Variants in SLC28A1 observed in about 807,000 individuals in gnomAD.
SLC28A1 encodes the protein solute carrier family 28 member 1.
In SLC28A1, 64 loss-of-function variants were observed where a neutral mutation model predicts 74.8. The ratio of observed to expected loss-of-function variants is 0.86; its 90% confidence interval spans 0.70 to 1.05. The LOEUF (loss-of-function observed/expected upper bound fraction) is 1.05. Among genes scored for constraint, SLC28A1 ranks in the 50% least tolerant of loss-of-function variants. SLC28A1 has a pLI of 0.00. For missense variants in SLC28A1, 828 were observed against 822.8 expected (o/e 1.01, Z -0.08); for synonymous variants, 359 against 335.0 (o/e 1.07, Z -0.78).
intron 12 of SLC28A1, among the ~76,000 whole-genome samples, chr15:84,925,976 C>G (rs1429918491): frequency 6.6e-6 from 1 of 151,070 alleles, no homozygotes; most frequent in African/African-American, 2.4e-5. Flanking sequence ...GTTTAATTTA[C>G]TGTAACCTTT....
At chr15:84,928,252 GAAAGCCCCAGACTACAACTAT>G (rs1200666222) in intron 12 of SLC28A1, among the ~76,000 whole-genome samples, 2 of 152,132 alleles carry the variant, frequency 1.3e-5, no homozygotes, top group Admixed American at 1.3e-4. Context: ...TCTCTGGTTT[GAAAGCCCCAGACTACAACTAT>G]AGCTGGCCCA....
At chr15:84,913,279 A>G (rs1968606621) in intron 9 of SLC28A1, among the ~76,000 whole-genome samples, 1 of 152,206 alleles carries the variant, frequency 6.6e-6, no homozygotes, top group Non-Finnish European at 1.5e-5. Flanking sequence ...CACTGTCGAC[A>G]GTGCTCAAGC....
chr15:84,946,114 T>A (rs527909648), downstream of SLC28A1, among the ~76,000 whole-genome samples: 846 of 10,470 alleles, frequency 0.081, 4 homozygotes, highest in Non-Finnish European at 0.12. Context: ...ATATATATAT[T>A]TTTTTTTTTT....
chr15:84,905,972 T>C (rs927325527), intron 8 of SLC28A1, among the ~76,000 whole-genome samples: 1 of 151,308 alleles, frequency 6.6e-6, no homozygotes, highest in Non-Finnish European at 1.5e-5. Context: ...TACTTCTGTG[T>C]GTGTGTGTTT....
intron 15 of SLC28A1, 115 bp from the exon 16 acceptor site, chr15:84,943,330 A>G (rs1055979008): frequency 6.6e-6 from 5 of 755,092 alleles, no homozygotes; most frequent in Non-Finnish European, 1.2e-5. Context: ...GAGGACTCAA[A>G]GGTCAATTAC....
chr15:84,908,774 C>A lies in SLC28A1; in HGVS notation c.774C>A (p.Val258=). The change falls in exon 9 of 19, where the codon GTC becomes GTA. Residue 258 remains valine, a synonymous_variant. Transcript: ENST00000394573. ...GSSFVFGEAL[V]KDVFAFQVLP... ...GCTTCGTGTTTGGGGAGGCGCTGGTCAAGGATGTCTTTGCCTTTCAGGTCA... is the reference window on the plus strand; with the variant it reads ...GCTTCGTGTTTGGGGAGGCGCTGGTAAAGGATGTCTTTGCCTTTCAGGTCA... 1 of 1,613,910 alleles carries A rather than the reference C, an allele frequency of 6.2e-7. No individual in the cohort carries two copies. Among genetic ancestry groups the A allele is most frequent in the South Asian group, 1.1e-5 (1 of 91,038 alleles).
intron 9 of SLC28A1, 82 bp from the exon 10 acceptor site, chr15:84,918,442 G>A (rs1246390482): frequency 2.0e-6 from 2 of 1,013,132 alleles, no homozygotes; most frequent in African/African-American, 3.2e-5. Context: ...GGAGTGGGCT[G>A]TCTGGGGTCT....
chr15:84,899,778 A>C (rs1387519897), intron 6 of SLC28A1, among the ~76,000 whole-genome samples: 2 of 152,184 alleles, frequency 1.3e-5, no homozygotes, highest in African/African-American at 4.8e-5. Flanking sequence ...CTGTAGTCCC[A>C]GCTGCTTGGG....
chr15:84,936,398 C>A (rs189787448), intron 15 of SLC28A1, among the ~76,000 whole-genome samples: 27 of 152,208 alleles, frequency 1.8e-4, no homozygotes, highest in African/African-American at 6.5e-4. Flanking sequence ...GCTGGGACTA[C>A]AGATGCCTGC....
Position 84,890,443 on chromosome 15 carries a change from G to A in SLC28A1, c.186G>A (p.Trp62Ter). The A allele has an allele frequency of 6.2e-7, 1 of 1,606,888 alleles. No individual in the cohort carries two copies. Among genetic ancestry groups the A allele is most frequent in the Non-Finnish European group, 8.5e-7 (1 of 1,177,756 alleles). ...TGGACCCTGCTGGTCTTGTTCCCAGGAGGAACCTGCAGCCAGCCCTGAGAG... is the reference window on the plus strand; with the variant it reads ...TGGACCCTGCTGGTCTTGTTCCCAGAAGGAACCTGCAGCCAGCCCTGAGAG... ...SEAAPKPFSR[W>*]RNLQPALRAR... The change falls in exon 5 of 19, where the codon TGG becomes TGA. Residue 62 changes from tryptophan (W) to a stop codon, truncating the protein, a stop_gained and splice_region_variant. Transcript: ENST00000394573. LOFTEE classifies it high-confidence loss of function.
chr15:84,973,545 G>T, the SLC28A1 span, among the ~76,000 whole-genome samples: 1 of 152,106 alleles, frequency 6.6e-6, no homozygotes, highest in East Asian at 1.9e-4. Context: ...AGGATGAGTG[G>T]GTGCTGGGCA....
At chr15:84,943,320 G>A in intron 15 of SLC28A1, 125 bp from the exon 16 acceptor site, 3 of 722,330 alleles carry the variant, frequency 4.2e-6, no homozygotes, top group Non-Finnish European at 7.5e-6. Flanking sequence ...CGGCAGCACA[G>A]AGGACTCAAA....
intron 5 of SLC28A1, among the ~76,000 whole-genome samples, chr15:84,891,065 G>C (rs551481244): frequency 6.6e-5 from 10 of 152,318 alleles, no homozygotes; most frequent in Non-Finnish European, 1.5e-5. Context: ...TGGGGAGTGG[G>C]TAGGGATATG....
At chr15:84,964,771 C>A in the SLC28A1 span, among the ~76,000 whole-genome samples, 1 of 151,914 alleles carries the variant, frequency 6.6e-6, no homozygotes, top group African/African-American at 2.4e-5. Flanking sequence ...CCCATGCATT[C>A]ATTAGATGGG....
intron 15 of SLC28A1, among the ~76,000 whole-genome samples, chr15:84,941,479 A>G (rs1183340391): frequency 6.6e-6 from 1 of 151,906 alleles, no homozygotes; most frequent in Non-Finnish European, 1.5e-5. Flanking sequence ...TGCTGGGATT[A>G]CAGGCGTGAC....
At position 84,928,628 on chromosome 15, in the gene SLC28A1, CTTT is replaced by C. The variant is rs1567173040; in HGVS notation, c.1084-4516_1084-4514del. On this transcript the variant is annotated intron_variant, in intron 12 of 18. Transcript: ENST00000394573. ...TTTTCTTTCTTTCTTTTCTTTCTTT[CTTT>C]CTTTTTTTTTGAGACAGAGTCTCCC... is the stretch of plus-strand genomic sequence containing the variant. Among the ~76,000 whole-genome samples the C allele has an allele frequency of 1.1e-3, 13 of 12,266 alleles. 4 individuals are homozygous for C. The highest frequency in any genetic ancestry group is 8.1e-3 in the South Asian group (2 of 248). The allele number at this position is 12,266 out of a possible 152,430, so 8.0% of individuals were successfully genotyped here. A position where few individuals can be genotyped will look rare whatever the true frequency, so the allele number is the denominator to read the frequency against.
intron 11 of SLC28A1, among the ~76,000 whole-genome samples, 165 bp downstream of exon 11, chr15:84,921,234 C>T (rs1969797364): frequency 6.6e-6 from 1 of 152,160 alleles, no homozygotes; most frequent in African/African-American, 2.4e-5. Flanking sequence ...TTGGGGGATG[C>T]CTGGGTCATG....
chr15:84,964,620 A>G, the SLC28A1 span, among the ~76,000 whole-genome samples: 1 of 152,228 alleles, frequency 6.6e-6, no homozygotes, highest in African/African-American at 2.4e-5. Context: ...TGATGGTACC[A>G]GGGACCCTGG....
chr15:84,912,500 G>C (rs1225355526), intron 9 of SLC28A1, among the ~76,000 whole-genome samples: 1 of 152,126 alleles, frequency 6.6e-6, no homozygotes, highest in Non-Finnish European at 1.5e-5. Context: ...GGACGTGGCA[G>C]TCACCCCTTG....
Sources: allele counts gnomAD v4.1 joint callset (sites outside exome capture counted in the v4.1 genomes callset), GRCh38; gene constraint gnomAD v4.1.1; transcripts MANE v1.5; gene names NCBI Gene and HGNC (gene_info 2026-07-23, HGNC 2026-07-21).